The following PTGER3 variants were observed in gnomAD, a reference collection of about 807,000 sequenced individuals.
PTGER3 encodes the protein prostaglandin E receptor 3, also known as prostaglandin E2 receptor EP3 subtype.
In PTGER3, 22 loss-of-function variants were observed where a neutral mutation model predicts 34.7. The ratio of observed to expected loss-of-function variants is 0.63; its 90% CI spans 0.45 to 0.91. The LOEUF is 0.91. PTGER3 is among the 40% of genes least tolerant of loss of function. The pLI, the probability that PTGER3 is intolerant of heterozygous loss-of-function variation, is 0.00. For synonymous variants in PTGER3, 241 were observed against 230.1 expected (o/e 1.05, Z -0.43); for missense variants, 468 against 519.4 (o/e 0.90, Z 0.96).
chr1:70,886,069 C>T (rs924116428), intron 4 of PTGER3, among the ~76,000 whole-genome samples: 3 of 152,170 alleles, frequency 2.0e-5, no homozygotes, highest in African/African-American at 7.2e-5. Context: ...CCACCAAATT[C>T]ATATGTTGAA....
intron 1 of PTGER3, among the ~76,000 whole-genome samples, chr1:71,040,502 G>A (rs1322197339): frequency 6.6e-6 from 1 of 151,896 alleles, no homozygotes. Flanking sequence ...CCAGCTACTC[G>A]GGAGGCTGAG....
At chr1:70,876,627 T>C (rs1416352971) in intron 4 of PTGER3, among the ~76,000 whole-genome samples, 2 of 152,130 alleles carry the variant, frequency 1.3e-5, no homozygotes, top group African/African-American at 4.8e-5. Flanking sequence ...GAGTTGATTT[T>C]TGTATATGGT....
intron 2 of PTGER3, chr1:71,007,917 A>T (rs1435557226): frequency 4.5e-5 from 44 of 985,250 alleles, no homozygotes; most frequent in Admixed American, 1.2e-4. Flanking sequence ...AAGCATGAAA[A>T]GGCTGACTTG....
At chr1:70,869,795 C>T (rs528042607) in intron 4 of PTGER3, among the ~76,000 whole-genome samples, 1 of 152,338 alleles carries the variant, frequency 6.6e-6, no homozygotes, top group Non-Finnish European at 1.5e-5. Flanking sequence ...AGGCCTTTGG[C>T]AGCTCTGGCC....
intron 4 of PTGER3, among the ~76,000 whole-genome samples, chr1:70,892,219 T>C (rs2100282386): frequency 6.6e-6 from 1 of 152,338 alleles, no homozygotes; most frequent in Non-Finnish European, 1.5e-5. Context: ...GAGCTGTTGC[T>C]TTGGGGCATA....
chr1:71,043,364 G>C (rs1481385789), intron 1 of PTGER3, among the ~76,000 whole-genome samples: 1 of 152,026 alleles, frequency 6.6e-6, no homozygotes, highest in African/African-American at 2.4e-5. Flanking sequence ...CTGAGAAAAA[G>C]AAAAAGGAAA....
At chr1:70,967,647 G>A (rs539018134), downstream of PTGER3, among the ~76,000 whole-genome samples, 36 of 152,008 alleles carry the variant, frequency 2.4e-4, no homozygotes, top group South Asian at 4.2e-4. Context: ...AATGATAAGC[G>A]TATATTTTAT....
intron 2 of PTGER3, chr1:71,010,642 A>T (rs1657356317): frequency 3.7e-5 from 36 of 984,574 alleles, no homozygotes; most frequent in Non-Finnish European, 4.3e-5. Context: ...CTTATACCCA[A>T]TGAGATGACC....
exon 4 of PTGER3, chr1:70,952,988 A>G: frequency 6.2e-7 from 1 of 1,613,056 alleles, no homozygotes; most frequent in Non-Finnish European, 8.5e-7. Context: ...TGTTCAGCAC[A>G]CGATAGGTTT....
intron 4 of PTGER3, among the ~76,000 whole-genome samples, chr1:70,873,854 G>T (rs551573623): frequency 6.6e-6 from 1 of 152,024 alleles, no homozygotes; most frequent in African/African-American, 2.4e-5. Context: ...TCACCATGTT[G>T]GCCAGGAGGG....
At chr1:71,011,678 A>T (rs1657460485) in intron 2 of PTGER3, 1 of 974,700 alleles carries the variant, frequency 1.0e-6, no homozygotes, top group Admixed American at 6.1e-5. Flanking sequence ...AATTTGCTGT[A>T]TTGAGCAATA....
intron 2 of PTGER3, chr1:71,008,342 G>T: frequency 1.2e-6 from 1 of 864,862 alleles, no homozygotes; most frequent in Non-Finnish European, 1.4e-6. Context: ...TATTTCTAGA[G>T]AATCATAATG....
intron 4 of PTGER3, among the ~76,000 whole-genome samples, chr1:70,881,149 C>T (rs986675009): frequency 6.6e-6 from 1 of 152,150 alleles, no homozygotes; most frequent in Admixed American, 6.5e-5. Context: ...GGAGTTATTT[C>T]AGAGAAGCAA....
At chr1:70,873,157 C>T (rs745694253) in intron 4 of PTGER3, among the ~76,000 whole-genome samples, 8 of 152,094 alleles carry the variant, frequency 5.3e-5, no homozygotes, top group Non-Finnish European at 1.2e-4. Context: ...ATCCTAGAGG[C>T]AGAGCAGTTC....
chr1:70,938,242 A>G (rs1649422910), intron 4 of PTGER3, among the ~76,000 whole-genome samples: 2 of 152,220 alleles, frequency 1.3e-5, no homozygotes, highest in African/African-American at 4.8e-5. Flanking sequence ...CCAAGGGTCA[A>G]TACCAAAACA....
At chr1:70,875,769 G>C (rs1202236291) in intron 4 of PTGER3, among the ~76,000 whole-genome samples, 1 of 152,096 alleles carries the variant, frequency 6.6e-6, no homozygotes, top group Non-Finnish European at 1.5e-5. Flanking sequence ...ATGGCCTCCA[G>C]CTTTATCCAT....
At chr1:71,010,053 C>A (rs745939647) in intron 2 of PTGER3, 15 of 984,954 alleles carry the variant, frequency 1.5e-5, no homozygotes, top group South Asian at 4.7e-5. Flanking sequence ...AAAAAAAACA[C>A]AAAAGCTGCC....
intron 2 of PTGER3, among the ~76,000 whole-genome samples, chr1:70,999,028 A>G (rs185527327): frequency 1.5e-3 from 233 of 152,204 alleles, no homozygotes; most frequent in Non-Finnish European, 2.4e-3. Flanking sequence ...AAAAAACAAA[A>G]AATTAGCCGG....
intron 4 of PTGER3, among the ~76,000 whole-genome samples, chr1:70,944,688 T>C (rs1217435857): frequency 6.6e-6 from 1 of 152,118 alleles, no homozygotes; most frequent in Non-Finnish European, 1.5e-5. Context: ...GTATCTGAAA[T>C]AAGTGGATGC....
Sources: allele counts gnomAD v4.1 joint callset (sites outside exome capture counted in the v4.1 genomes callset), GRCh38; gene constraint gnomAD v4.1.1; transcripts MANE v1.5; gene names NCBI Gene and HGNC (gene_info 2026-07-23, HGNC 2026-07-21).